Variants in CRAMP1 observed in about 807,000 individuals in gnomAD.
The protein encoded by CRAMP1 is cramped chromatin regulator 1.
A neutral mutation model predicts 115.4 loss-of-function variants in CRAMP1; 50 were observed. The ratio of observed to expected loss-of-function variants is 0.43; its 90% CI spans 0.35 to 0.55. CRAMP1 has a LOEUF of 0.55. Among genes scored for constraint, CRAMP1 ranks in the 20% least tolerant of loss-of-function variants. CRAMP1 has a pLI of 0.01. For missense variants in CRAMP1, 1,679 were observed against 1,721.7 expected (o/e 0.98, Z 0.44); for synonymous variants, 866 against 745.4 (o/e 1.16, Z -2.64).
intron 6 of CRAMP1, among the ~76,000 whole-genome samples, chr16:1,642,651 G>A (rs1269936322): frequency 6.6e-6 from 1 of 152,212 alleles, no homozygotes; most frequent in African/African-American, 2.4e-5. Context: ...TGGAGGAACC[G>A]TCTTGAGAAG....
intron 14 of CRAMP1, among the ~76,000 whole-genome samples, chr16:1,665,390 G>A (rs779090897): frequency 1.1e-4 from 16 of 152,190 alleles, no homozygotes; most frequent in Non-Finnish European, 2.2e-4. Context: ...TGTGTGAGGC[G>A]CTTGGCTTGG....
chr16:1,646,097 G>A (rs766212834), intron 6 of CRAMP1, among the ~76,000 whole-genome samples: 38 of 152,182 alleles, frequency 2.5e-4, no homozygotes, highest in Non-Finnish European at 4.6e-4. Flanking sequence ...TTGACTTGTG[G>A]ATCTGCAGCT....
intron 7 of CRAMP1, among the ~76,000 whole-genome samples, 181 bp downstream of exon 7, chr16:1,652,762 T>G (rs1263508037): frequency 6.6e-6 from 1 of 152,194 alleles, no homozygotes; most frequent in East Asian, 1.9e-4. Flanking sequence ...TCAGTCAAGT[T>G]GAGCTCAGAG....
chr16:1,619,264 T>C (rs2036446443), intron 2 of CRAMP1, among the ~76,000 whole-genome samples: 1 of 152,226 alleles, frequency 6.6e-6, no homozygotes, highest in Non-Finnish European at 1.5e-5. Flanking sequence ...CACTGCAATC[T>C]CCGCCTCACA....
At position 1,641,864 on chromosome 16, in the gene CRAMP1, T is replaced by TCCACTCCGCAGCCTGGGGGGTCC. The variant is rs1315417558; in HGVS notation, c.827+684_827+706dup. 1.2e-4 allele frequency among the ~76,000 whole-genome samples: 18 copies of TCCACTCCGCAGCCTGGGGGGTCC among 148,454 alleles called. 1 individual carries two copies. The highest frequency in any genetic ancestry group is 4.5e-4 in the African/African-American group (18 of 39,912). ...TTCCCCACTCCGCAGCCTGGGGGTCTCCACTCCGCAGCCTGGGGGGTCCCC... is the reference window on the plus strand; with the variant it reads ...TTCCCCACTCCGCAGCCTGGGGGTCTCCACTCCGCAGCCTGGGGGGTCCCCACTCCGCAGCCTGGGGGGTCCCC... On this transcript the variant is annotated intron_variant, in intron 6 of 20. Transcript: ENST00000397412.
chr16:1,642,732 A>G (rs1320514369), intron 6 of CRAMP1, among the ~76,000 whole-genome samples: 1 of 152,228 alleles, frequency 6.6e-6, no homozygotes, highest in East Asian at 1.9e-4. Context: ...CCCATGAGGG[A>G]AAACACTGCC....
chr16:1,622,395 C>T (rs1400770999), intron 2 of CRAMP1, among the ~76,000 whole-genome samples: 1 of 152,112 alleles, frequency 6.6e-6, no homozygotes, highest in Admixed American at 6.6e-5. Flanking sequence ...CACCCATAAT[C>T]CCAGCTACTC....
chr16:1,626,682 C>T (rs1167376290), intron 3 of CRAMP1, among the ~76,000 whole-genome samples: 2 of 152,192 alleles, frequency 1.3e-5, no homozygotes, highest in Non-Finnish European at 1.5e-5. Context: ...TGCCCGTGCT[C>T]CCTGCTGGCC....
intron 6 of CRAMP1, among the ~76,000 whole-genome samples, chr16:1,648,744 G>C (rs534873485): frequency 1.3e-5 from 2 of 151,998 alleles, no homozygotes; most frequent in African/African-American, 4.8e-5. Flanking sequence ...GTGTATTTCA[G>C]CTGGGTTAAG....
chr16:1,629,464 A>G (rs1478194110), intron 3 of CRAMP1, among the ~76,000 whole-genome samples: 1 of 152,242 alleles, frequency 6.6e-6, no homozygotes, highest in Non-Finnish European at 1.5e-5. Context: ...CACTCTCGCC[A>G]CACTGAGAAT....
chr16:1,614,992 C>T lies in CRAMP1; in HGVS notation c.346+7C>T. 8.0e-7 allele frequency: 1 copy of T among 1,246,712 alleles called. No individual in the cohort carries two copies. Among genetic ancestry groups the T allele is most frequent in the Non-Finnish European group, 1.0e-6 (1 of 993,622 alleles). The allele number at this position is 1,246,712 out of a possible 1,614,324, so 77.2% of individuals were successfully genotyped here. A position where few individuals can be genotyped will look rare whatever the true frequency, so the allele number is the denominator to read the frequency against. Reference sequence around the variant, plus strand: ...TCGGGGCCCCGCGGAAAAGGTAGGGCGGCCCGTCCCCTTGGGAGACCCCAG... The same window carrying T: ...TCGGGGCCCCGCGGAAAAGGTAGGGTGGCCCGTCCCCTTGGGAGACCCCAG... On this transcript the variant is annotated splice_region_variant and intron_variant, in intron 2 of 20. Transcript: ENST00000397412. The surrounding 1 kb of genome is among the most constrained non-coding windows in gnomAD (Gnocchi z 4.4).
At chr16:1,619,325 C>A (rs565049508) in intron 2 of CRAMP1, among the ~76,000 whole-genome samples, 1 of 152,098 alleles carries the variant, frequency 6.6e-6, no homozygotes, top group Admixed American at 6.5e-5. Context: ...GGACTACAGG[C>A]GCATGCTGCT....
rs1409004564 is a variant in CRAMP1 at position 1,666,803 on chromosome 16, T to C, written c.3036+203T>C. On this transcript the variant is annotated intron_variant, in intron 16 of 20. Coordinates refer to ENST00000397412, the MANE Select transcript of CRAMP1 (RefSeq NM_020825.4). The surrounding 1 kb of genome is among the most constrained non-coding windows in gnomAD (Gnocchi z 5.0). ...CCACTGACGAAAGGTGGGGACAGGC[T>C]TGCCATGTGGCACTGGAGAACTCAG... Among the ~76,000 whole-genome samples the C allele has an allele frequency of 6.6e-6, 1 of 152,380 alleles. No homozygotes were observed. Among genetic ancestry groups the C allele is most frequent in the African/African-American group, 2.4e-5 (1 of 41,594 alleles).
At position 1,669,991 on chromosome 16, in the gene CRAMP1, G is replaced by A. The variant is rs1429514426; in HGVS notation, c.3500-673G>A. On this transcript the variant is annotated intron_variant, in intron 19 of 20. Transcript: ENST00000397412. The surrounding 1 kb of genome is among the most constrained non-coding windows in gnomAD (Gnocchi z 4.6). ...TTGAAAAACTGGAAACAGGCCAGGC[G>A]TGGTGGCTCATGTCTGTAATCCCAG... 3.3e-5 allele frequency among the ~76,000 whole-genome samples: 5 copies of A among 152,160 alleles called. No individual in the cohort carries two copies. Among genetic ancestry groups the A allele is most frequent in the South Asian group, 2.1e-4 (1 of 4,822 alleles).
intron 6 of CRAMP1, among the ~76,000 whole-genome samples, chr16:1,649,725 G>A (rs184470956): frequency 1.0e-3 from 155 of 150,196 alleles, no homozygotes; most frequent in African/African-American, 3.5e-3. Context: ...TCCTGACCTC[G>A]TGATCTGCCT....
chr16:1,661,569 G>T (rs1014139781), intron 11 of CRAMP1, among the ~76,000 whole-genome samples: 18 of 151,870 alleles, frequency 1.2e-4, no homozygotes, highest in Non-Finnish European at 2.4e-4. Flanking sequence ...CCTGTGAGAG[G>T]GGGCCAGTCC....
At chr16:1,650,514 C>G (rs1252829060) in intron 6 of CRAMP1, among the ~76,000 whole-genome samples, 1 of 152,222 alleles carries the variant, frequency 6.6e-6, no homozygotes, top group Non-Finnish European at 1.5e-5. Flanking sequence ...ATATAAGACC[C>G]TCTTCACCAC....
Position 1,671,603 on chromosome 16 carries a change from A to G in CRAMP1, c.3645+794A>G, listed in dbSNP as rs1160936461. Among the ~76,000 whole-genome samples, 1 of 152,158 alleles carries G rather than the reference A, an allele frequency of 6.6e-6. No homozygotes were observed. The highest frequency in any genetic ancestry group is 6.5e-5 in the Admixed American group (1 of 15,280). Reference sequence around the variant, plus strand: ...ACAGGGAGGGAACTCCAGGTCCAGGAGATCATCCGCATGGGCTTAGCCCAT... The same window carrying G: ...ACAGGGAGGGAACTCCAGGTCCAGGGGATCATCCGCATGGGCTTAGCCCAT... On this transcript the variant is annotated intron_variant, in intron 20 of 20. Coordinates refer to ENST00000397412, the MANE Select transcript of CRAMP1 (RefSeq NM_020825.4). This position sits in a 1 kb window ranked among gnomAD's most constrained non-coding sequence, Gnocchi z 5.0.
rs148895835 is a variant in CRAMP1 at position 1,664,429 on chromosome 16, A to G, written c.2671-628A>G. ...TAAAAGTCCATGTCCAGTGGTTATA[A>G]ACAGGTTTGTATAACTAGTTGCATT... On this transcript the variant is annotated intron_variant, in intron 13 of 20. Transcript: ENST00000397412. 4.5e-4 allele frequency among the ~76,000 whole-genome samples: 69 copies of G among 152,300 alleles called. 1 individual carries two copies. The highest frequency in any genetic ancestry group is 1.5e-3 in the African/African-American group (64 of 41,554).
Sources: allele counts gnomAD v4.1 joint callset (sites outside exome capture counted in the v4.1 genomes callset), GRCh38; gene constraint gnomAD v4.1.1; non-coding constraint Gnocchi (gnomAD v3.1); transcripts MANE v1.5; gene names NCBI Gene and HGNC (gene_info 2026-07-23, HGNC 2026-07-21).